Variants in STK39 observed in about 807,000 individuals in gnomAD.
STK39 encodes STE20/SPS1-related proline-alanine-rich protein kinase.
Under a neutral mutation model 77.8 loss-of-function variants are expected in STK39, and 20 were observed. The observed-to-expected ratio is 0.26, with a 90% CI of 0.18 to 0.37. STK39 has a LOEUF of 0.37. Ranked by LOEUF, STK39 falls within the 10% of genes least tolerant of loss-of-function variation. STK39 has a pLI of 1.00. For missense variants in STK39, 479 were observed against 656.5 expected, an observed-to-expected ratio of 0.73 and a Z score of 2.95; for synonymous variants, 246 against 234.1, an observed-to-expected ratio of 1.05 and a Z score of -0.47.
intron 16 of STK39, among the ~76,000 whole-genome samples, chr2:167,990,203 C>T (rs902761525): frequency 5.3e-5 from 8 of 152,152 alleles, no homozygotes; most frequent in Non-Finnish European, 8.8e-5. Flanking sequence ...AGCAGAAAAG[C>T]CTGCAGTGGC....
intron 1 of STK39, among the ~76,000 whole-genome samples, chr2:168,219,420 C>A (rs1047876983): frequency 6.6e-6 from 1 of 152,114 alleles, no homozygotes; most frequent in African/African-American, 2.4e-5. Context: ...CTACCCTGGA[C>A]GGAAGAGGTC....
chr2:168,234,337 G>A (rs971436711), intron 1 of STK39, among the ~76,000 whole-genome samples: 3 of 152,186 alleles, frequency 2.0e-5, no homozygotes, highest in Admixed American at 6.5e-5. Flanking sequence ...CAGTGTAACC[G>A]AAGGACTGTA....
intron 16 of STK39, among the ~76,000 whole-genome samples, chr2:167,999,849 C>T (rs750458167): frequency 1.3e-5 from 2 of 152,210 alleles, no homozygotes; most frequent in Non-Finnish European, 2.9e-5. Context: ...AGGCTCCTCC[C>T]GCTACTTCTG....
At chr2:167,999,374 G>A (rs899086016) in intron 16 of STK39, among the ~76,000 whole-genome samples, 1 of 152,168 alleles carries the variant, frequency 6.6e-6, no homozygotes, top group African/African-American at 2.4e-5. Flanking sequence ...TCTCGAGTTG[G>A]ACTGCAAGCT....
At chr2:168,129,838 A>G (rs747094820) in intron 8 of STK39, 80 bp from the exon 9 acceptor site, 67 of 1,513,560 alleles carry the variant, frequency 4.4e-5, no homozygotes, top group Non-Finnish European at 5.8e-5. Flanking sequence ...ACTTAACCTT[A>G]AGAGTATTTC....
chr2:168,075,713 A>AC (rs1248408020), intron 10 of STK39, among the ~76,000 whole-genome samples: 1 of 151,794 alleles, frequency 6.6e-6, no homozygotes, highest in Non-Finnish European at 1.5e-5. Context: ...ACAACAAAGC[A>AC]CACCCTTCTA....
chr2:168,067,323 C>A (rs559819329), intron 12 of STK39, among the ~76,000 whole-genome samples: 1 of 152,274 alleles, frequency 6.6e-6, no homozygotes, highest in East Asian at 1.9e-4. Context: ...TTGGGCCATT[C>A]CCTTGGTGAT....
At chr2:168,243,745 C>T (rs977056537) in intron 1 of STK39, among the ~76,000 whole-genome samples, 3 of 152,204 alleles carry the variant, frequency 2.0e-5, no homozygotes, top group African/African-American at 7.2e-5. Flanking sequence ...CATTCCATTA[C>T]GGATGGCCAA....
intron 14 of STK39, among the ~76,000 whole-genome samples, chr2:168,042,363 G>A (rs755455251): frequency 1.3e-5 from 2 of 151,938 alleles, no homozygotes; most frequent in South Asian, 2.1e-4. Flanking sequence ...ATCTCTCTAC[G>A]GAAAAGCCCT....
intron 16 of STK39, among the ~76,000 whole-genome samples, chr2:167,982,000 A>C (rs1683432317): frequency 6.6e-6 from 1 of 152,166 alleles, no homozygotes; most frequent in Non-Finnish European, 1.5e-5. Flanking sequence ...GAAACTTGAC[A>C]TACTGGCTAG....
At chr2:168,050,101 C>T (rs1685355232) in intron 14 of STK39, among the ~76,000 whole-genome samples, 1 of 152,196 alleles carries the variant, frequency 6.6e-6, no homozygotes, top group African/African-American at 2.4e-5. Flanking sequence ...AAGCTTCACA[C>T]ACATCTGTAT....
At chr2:168,035,997 C>T (rs562309993) in intron 14 of STK39, among the ~76,000 whole-genome samples, 19 of 152,168 alleles carry the variant, frequency 1.2e-4, no homozygotes, top group African/African-American at 4.1e-4. Flanking sequence ...CTAAAATTAA[C>T]GGGTAAATAA....
intron 1 of STK39, among the ~76,000 whole-genome samples, chr2:168,219,337 C>T (rs1441517008): frequency 1.3e-5 from 2 of 152,038 alleles, no homozygotes; most frequent in South Asian, 4.1e-4. Flanking sequence ...ATACTTTCCA[C>T]ATACACTTAA....
chr2:168,010,562 A>G (rs1265398074), intron 16 of STK39, among the ~76,000 whole-genome samples: 1 of 152,240 alleles, frequency 6.6e-6, no homozygotes, highest in Non-Finnish European at 1.5e-5. Context: ...ATAAGGGAAT[A>G]CAACTCACTC....
chr2:168,047,467 C>G (rs1480479682), intron 14 of STK39, among the ~76,000 whole-genome samples: 1 of 152,214 alleles, frequency 6.6e-6, no homozygotes, highest in Non-Finnish European at 1.5e-5. Flanking sequence ...AAAACCCCAT[C>G]AGCTTTTTGA....
At chr2:167,987,249 T>C (rs1278665393) in intron 16 of STK39, among the ~76,000 whole-genome samples, 1 of 152,152 alleles carries the variant, frequency 6.6e-6, no homozygotes, top group Non-Finnish European at 1.5e-5. Context: ...CCCTTCCCCT[T>C]TTCTCTGGCT....
At chr2:167,979,216 T>C (rs926669265) in intron 16 of STK39, among the ~76,000 whole-genome samples, 13 of 152,194 alleles carry the variant, frequency 8.5e-5, no homozygotes, top group African/African-American at 3.1e-4. Context: ...CTGGATCACA[T>C]GATAGAAGTA....
chr2:168,036,729 G>T (rs191273793), intron 14 of STK39, among the ~76,000 whole-genome samples: 90 of 152,256 alleles, frequency 5.9e-4, no homozygotes, highest in Non-Finnish European at 1.2e-3. Flanking sequence ...AAGCCAGTAA[G>T]GAAACGTAGC....
rs151117001 is a variant in STK39, at chr2:168,232,727, A to G, written c.208+14501T>C. Among the ~76,000 whole-genome samples the G allele has an allele frequency of 6.1e-3, 921 of 152,212 alleles. 14 individuals are homozygous for G. The highest frequency in any genetic ancestry group is 0.021 in the African/African-American group (884 of 41,524). On this transcript the variant is annotated intron_variant, in intron 1 of 17. Transcript: ENST00000355999. ...GGAGTTTCAGACCAGCCTGGCCAACATGGTGAAATCCCGTCTCTACTAAAA... is the reference window on the plus strand; with the variant it reads ...GGAGTTTCAGACCAGCCTGGCCAACGTGGTGAAATCCCGTCTCTACTAAAA...
Sources: allele counts gnomAD v4.1 joint callset (sites outside exome capture counted in the v4.1 genomes callset), GRCh38; gene constraint gnomAD v4.1.1; transcripts MANE v1.5; gene names NCBI Gene and HGNC (gene_info 2026-07-23, HGNC 2026-07-21).